ATP2B4: variants seen among roughly 807,000 people sequenced by gnomAD.
ATP2B4 encodes the protein ATPase plasma membrane Ca2+ transporting 4.
In ATP2B4, 39 loss-of-function variants were observed where a neutral mutation model predicts 110.3. The observed-to-expected ratio is 0.35, with a 90% CI of 0.27 to 0.46. The LOEUF (loss-of-function observed/expected upper bound fraction) is 0.46, where lower values mean the gene tolerates loss of function less well. Among genes scored for constraint, ATP2B4 ranks in the 20% least tolerant of loss-of-function variants. ATP2B4 has a pLI of 1.00. For missense variants in ATP2B4, 1,135 were observed against 1,530.9 expected, an observed-to-expected ratio of 0.74 and a Z score of 4.32; for synonymous variants, 538 against 571.7, an observed-to-expected ratio of 0.94 and a Z score of 0.84.
intron 15 of ATP2B4, among the ~76,000 whole-genome samples, chr1:203,717,899 C>T (rs1666205764): frequency 6.6e-6 from 1 of 152,074 alleles, no homozygotes; most frequent in Non-Finnish European, 1.5e-5. Context: ...CTACCTCAAC[C>T]TCCCAAAGTG....
intron 2 of ATP2B4, among the ~76,000 whole-genome samples, chr1:203,692,720 C>T (rs1665419706): frequency 6.6e-6 from 1 of 152,204 alleles, no homozygotes; most frequent in Admixed American, 6.5e-5. Flanking sequence ...AGTGCCTCTG[C>T]CGATGTCGTT....
At chr1:203,728,646 T>C (rs2102227685) in intron 20 of ATP2B4, among the ~76,000 whole-genome samples, 1 of 151,362 alleles carries the variant, frequency 6.6e-6, no homozygotes, top group South Asian at 2.1e-4. Context: ...TCACCTGAGG[T>C]CGGGAGTTCA....
At chr1:203,632,519 A>T (rs1455490284) in intron 1 of ATP2B4, among the ~76,000 whole-genome samples, 1 of 151,512 alleles carries the variant, frequency 6.6e-6, no homozygotes, top group Non-Finnish European at 1.5e-5. Context: ...AATTTTTTGT[A>T]TTTTTAGTAG....
intron 19 of ATP2B4, among the ~76,000 whole-genome samples, chr1:203,725,596 A>G (rs1666485503): frequency 6.6e-6 from 1 of 152,226 alleles, no homozygotes; most frequent in Non-Finnish European, 1.5e-5. Context: ...TTCCTTATAA[A>G]TAATCAAATT....
intron 5 of ATP2B4, 109 bp downstream of exon 5, chr1:203,700,440 GT>G: frequency 7.1e-7 from 1 of 1,410,824 alleles, no homozygotes; most frequent in South Asian, 1.4e-5. Flanking sequence ...CTTCCCTGGG[GT>G]TCAGCTGGGG....
In ATP2B4 at chr1:203,629,266, T is replaced by C. The variant is rs546349992; in HGVS notation, c.-465+2047T>C. Among the ~76,000 whole-genome samples, 1 of 152,298 alleles carries C rather than the reference T, an allele frequency of 6.6e-6. No individual in the cohort carries two copies. The highest frequency in any genetic ancestry group is 2.4e-5 in the African/African-American group (1 of 41,580). ...CAAGACAGAATTAATGCCCGTGTTC[T>C]GGAGGGAGGGGATCCATTTCTATAC... On this transcript the variant is annotated intron_variant, in intron 1 of 20. Transcript: ENST00000357681. This position sits in a 1 kb window ranked among gnomAD's most constrained non-coding sequence, Gnocchi z 4.6.
At chr1:203,698,666 T>C (rs1249284652) in intron 3 of ATP2B4, among the ~76,000 whole-genome samples, 1 of 151,838 alleles carries the variant, frequency 6.6e-6, no homozygotes, top group Non-Finnish European at 1.5e-5. Context: ...ATTATTTTAA[T>C]GGAATCTTGC....
intron 1 of ATP2B4, among the ~76,000 whole-genome samples, chr1:203,679,934 G>A (rs1011217866): frequency 2.6e-5 from 4 of 151,980 alleles, no homozygotes; most frequent in African/African-American, 9.7e-5. Flanking sequence ...GGTGGCAGGT[G>A]CCTATGATCC....
At chr1:203,693,085 C>T (rs1244567997) in intron 2 of ATP2B4, among the ~76,000 whole-genome samples, 2 of 152,174 alleles carry the variant, frequency 1.3e-5, no homozygotes, top group Non-Finnish European at 2.9e-5. Context: ...GCATTCTCTC[C>T]CTGCCAAGTT....
At chr1:203,690,787 T>G (rs957768419) in intron 2 of ATP2B4, among the ~76,000 whole-genome samples, 1 of 152,140 alleles carries the variant, frequency 6.6e-6, no homozygotes, top group African/African-American at 2.4e-5. Context: ...AGATTAACAT[T>G]CTGTGGTCCA....
intron 15 of ATP2B4, 91 bp downstream of exon 15, chr1:203,714,368 CT>C: frequency 2.2e-6 from 3 of 1,360,936 alleles, no homozygotes; most frequent in Non-Finnish European, 2.1e-6. Context: ...CTTGCTACAC[CT>C]GCATAGCCCA....
At chr1:203,710,664 C>A (rs1057066550) in intron 11 of ATP2B4, among the ~76,000 whole-genome samples, 1 of 152,186 alleles carries the variant, frequency 6.6e-6, no homozygotes, top group East Asian at 1.9e-4. Flanking sequence ...ATGGGAGAAT[C>A]CCACTCTCTA....
At chr1:203,711,862 C>A (rs983753183) in intron 12 of ATP2B4, 98 bp from the exon 13 acceptor site, 9 of 1,398,586 alleles carry the variant, frequency 6.4e-6, no homozygotes, top group Non-Finnish European at 8.8e-6. Context: ...TTCTAGGGTG[C>A]CTTTCTCCTG....
intron 8 of ATP2B4, among the ~76,000 whole-genome samples, chr1:203,706,060 G>T (rs781711954): frequency 6.6e-6 from 1 of 152,194 alleles, no homozygotes; most frequent in Non-Finnish European, 1.5e-5. Flanking sequence ...TTGTGCCACA[G>T]TTAGGGACAG....
At chr1:203,706,243 C>G (rs780448723) in intron 8 of ATP2B4, among the ~76,000 whole-genome samples, 3 of 152,082 alleles carry the variant, frequency 2.0e-5, no homozygotes, top group Admixed American at 6.6e-5. Flanking sequence ...TTAGCAAAGC[C>G]CCACATCCCT....
chr1:203,729,251 A>G (rs2016502), intron 20 of ATP2B4, among the ~76,000 whole-genome samples: 38,189 of 151,808 alleles, frequency 0.25, 5,137 homozygotes, highest in Admixed American at 0.39. Context: ...CAACAAATAG[A>G]AAAGTGGAAA....
chr1:203,721,776 C>T (rs11240275), intron 17 of ATP2B4, among the ~76,000 whole-genome samples: 34 of 150,576 alleles, frequency 2.3e-4, no homozygotes, highest in Middle Eastern at 6.9e-3. Context: ...GATTTTCCTG[C>T]GTCAGCCTCC....
intron 1 of ATP2B4, among the ~76,000 whole-genome samples, chr1:203,630,049 C>T (rs575002096): frequency 6.6e-6 from 1 of 152,314 alleles, no homozygotes; most frequent in African/African-American, 2.4e-5. Flanking sequence ...ATTTGTCACA[C>T]TGCTGTGGTC....
chr1:203,702,503 G>A (rs1180896026), intron 7 of ATP2B4, among the ~76,000 whole-genome samples: 1 of 152,188 alleles, frequency 6.6e-6, no homozygotes, highest in Non-Finnish European at 1.5e-5. Flanking sequence ...TTCCTCATAA[G>A]TGTCCTCTTC....
Sources: gnomAD v4.1 joint callset for allele counts (sites outside exome capture counted in the v4.1 genomes callset) on GRCh38, gnomAD v4.1.1 for gene constraint, Gnocchi (gnomAD v3.1) non-coding constraint, MANE v1.5 for transcripts, NCBI Gene and HGNC (gene_info 2026-07-23, HGNC 2026-07-21) for gene names.